The following TRABD2B variants were observed in gnomAD, a reference collection of about 807,000 sequenced individuals.
TRABD2B encodes metalloprotease TIKI2.
Under a neutral mutation model 40.1 loss-of-function variants are expected in TRABD2B, and 14 were observed. That is an observed-to-expected ratio of 0.35 (90% confidence interval 0.23 to 0.55). The LOEUF (loss-of-function observed/expected upper bound fraction) is 0.55, where lower values mean the gene tolerates loss of function less well. Ranked by LOEUF, TRABD2B falls within the 20% of genes least tolerant of loss-of-function variation. TRABD2B has a pLI of 0.90. For synonymous variants in TRABD2B, 263 were observed against 277.0 expected (o/e 0.95, Z 0.50); for missense variants, 541 against 648.6 (o/e 0.83, Z 1.80).
At chr1:47,792,165 G>A (rs1423088465) in intron 4 of TRABD2B, among the ~76,000 whole-genome samples, 2 of 152,354 alleles carry the variant, frequency 1.3e-5, no homozygotes, top group East Asian at 3.9e-4. Flanking sequence ...ATTCATGAGA[G>A]CGGAGGTGAG....
At chr1:47,889,084 G>A (rs879920932) in intron 2 of TRABD2B, among the ~76,000 whole-genome samples, 13 of 152,184 alleles carry the variant, frequency 8.5e-5, no homozygotes, top group South Asian at 6.2e-4. Flanking sequence ...GGTAGAGACC[G>A]TCTCTCTTCT....
At chr1:47,988,238 T>C (rs1258893177) in intron 2 of TRABD2B, among the ~76,000 whole-genome samples, 1 of 152,124 alleles carries the variant, frequency 6.6e-6, no homozygotes, top group Non-Finnish European at 1.5e-5. Flanking sequence ...GGTCTCTATC[T>C]GAAGTGTGGA....
chr1:47,989,999 G>T (rs1279711500), intron 2 of TRABD2B, among the ~76,000 whole-genome samples: 1 of 152,170 alleles, frequency 6.6e-6, no homozygotes, highest in African/African-American at 2.4e-5. Context: ...CTCTGTGAGG[G>T]TTAGAGATAA....
intron 2 of TRABD2B, among the ~76,000 whole-genome samples, chr1:47,856,314 G>A (rs1643889284): frequency 6.6e-6 from 1 of 152,338 alleles, no homozygotes; most frequent in Non-Finnish European, 1.5e-5. Flanking sequence ...ACCCTCTGCT[G>A]TCCTACTGCT....
chr1:47,944,210 C>G (rs1557671688), intron 2 of TRABD2B, among the ~76,000 whole-genome samples: 1 of 152,070 alleles, frequency 6.6e-6, no homozygotes, highest in Non-Finnish European at 1.5e-5. Context: ...AGAGAGGGAG[C>G]AGGGGGAATG....
At chr1:47,955,407 A>G (rs1645405028) in intron 2 of TRABD2B, among the ~76,000 whole-genome samples, 1 of 152,084 alleles carries the variant, frequency 6.6e-6, no homozygotes, top group African/African-American at 2.4e-5. Context: ...CCATTATCCT[A>G]ATACTCAACT....
At position 47,765,694 on chromosome 1, in the gene TRABD2B, G is replaced by A. The variant is rs1187398989; in HGVS notation, c.*208C>T. 1.7e-6 allele frequency: 1 copy of A among 602,298 alleles called. No individual in the cohort carries two copies. The allele number at this position is 602,298 out of a possible 1,614,324, so 37.3% of individuals were successfully genotyped here. A position where few individuals can be genotyped will look rare whatever the true frequency, so the allele number is the denominator to read the frequency against. ...TAATATGGACACGTATTTTACAAAA[G>A]AGCCCCATAGCACTATGGGAAATTA... On this transcript the variant is annotated 3_prime_UTR_variant, in exon 7 of 7. Coordinates refer to ENST00000606738, the MANE Select transcript of TRABD2B (RefSeq NM_001194986.2).
At chr1:47,847,440 A>C (rs563843561) in intron 2 of TRABD2B, among the ~76,000 whole-genome samples, 2 of 152,318 alleles carry the variant, frequency 1.3e-5, no homozygotes, top group South Asian at 4.1e-4. Context: ...TTATGCATGG[A>C]AATATGTCGG....
At chr1:47,984,297 C>A (rs554382825) in intron 2 of TRABD2B, among the ~76,000 whole-genome samples, 5 of 152,354 alleles carry the variant, frequency 3.3e-5, no homozygotes, top group African/African-American at 7.2e-5. Flanking sequence ...CCGCCTGTGT[C>A]GCTGCCTGAT....
intron 2 of TRABD2B, chr1:47,818,215 G>A (rs1570034309): frequency 6.6e-6 from 1 of 152,488 alleles, no homozygotes; most frequent in East Asian, 1.9e-4. Context: ...TTGGACTCTG[G>A]GTGAGGCTTG....
intron 2 of TRABD2B, among the ~76,000 whole-genome samples, chr1:47,950,840 T>C (rs1200517601): frequency 6.6e-6 from 1 of 152,220 alleles, no homozygotes; most frequent in African/African-American, 2.4e-5. Flanking sequence ...GTCTCCTTTA[T>C]TTTTTATCTG....
intron 2 of TRABD2B, among the ~76,000 whole-genome samples, chr1:47,907,292 T>C (rs1230531397): frequency 6.6e-6 from 1 of 152,204 alleles, no homozygotes; most frequent in African/African-American, 2.4e-5. Context: ...AGAGTCATGG[T>C]CATTGAATTT....
chr1:47,931,456 C>A (rs1220330501), intron 2 of TRABD2B, among the ~76,000 whole-genome samples: 1 of 152,154 alleles, frequency 6.6e-6, no homozygotes. Context: ...GTGGGTTCTG[C>A]AACTACTTTG....
intron 2 of TRABD2B, among the ~76,000 whole-genome samples, chr1:47,927,592 C>G (rs1218470443): frequency 6.6e-6 from 1 of 152,090 alleles, no homozygotes; most frequent in Non-Finnish European, 1.5e-5. Context: ...AACACTGAGG[C>G]CATAAAAAAA....
At chr1:47,834,052 A>C (rs1645285982) in intron 2 of TRABD2B, among the ~76,000 whole-genome samples, 1 of 152,224 alleles carries the variant, frequency 6.6e-6, no homozygotes, top group Non-Finnish European at 1.5e-5. Flanking sequence ...GCAGCCTGGC[A>C]GTCACTGGCA....
At chr1:47,886,886 G>A (rs1229087989) in intron 2 of TRABD2B, among the ~76,000 whole-genome samples, 1 of 152,050 alleles carries the variant, frequency 6.6e-6, no homozygotes, top group African/African-American at 2.4e-5. Context: ...ATGTGTCCCT[G>A]GCCCCCTGCT....
At position 47,958,050 on chromosome 1, in the gene TRABD2B, ATAT is replaced by A. The variant is rs1354505803; in HGVS notation, c.666+35981_666+35983del. Among the ~76,000 whole-genome samples the A allele has an allele frequency of 3.3e-5, 5 of 152,360 alleles. No homozygotes were observed. In the East Asian group the frequency reaches 9.6e-4, roughly 29 times the overall value. On this transcript the variant is annotated intron_variant, in intron 2 of 6. Coordinates refer to ENST00000606738, the MANE Select transcript of TRABD2B (RefSeq NM_001194986.2). ...ACAAGCCAGAATAGAGTAGGGGTCA[ATAT>A]TCAACATTCTTAAAGAAAAGAATTT...
chr1:47,823,096 C>A (rs1645131963), intron 2 of TRABD2B, among the ~76,000 whole-genome samples: 2 of 152,358 alleles, frequency 1.3e-5, no homozygotes, highest in South Asian at 2.1e-4. Flanking sequence ...CCTGGCAGAT[C>A]CATCTGTGTG....
intron 2 of TRABD2B, among the ~76,000 whole-genome samples, chr1:47,882,116 G>A (rs965931695): frequency 2.0e-5 from 3 of 152,236 alleles, no homozygotes; most frequent in Non-Finnish European, 4.4e-5. Context: ...GCTGCTGGGG[G>A]CCTGGCTGGG....
Sources: allele counts gnomAD v4.1 joint callset (sites outside exome capture counted in the v4.1 genomes callset), GRCh38; gene constraint gnomAD v4.1.1; transcripts MANE v1.5; gene names NCBI Gene and HGNC (gene_info 2026-07-23, HGNC 2026-07-21).